The following PCDH15 variants were observed in gnomAD, a reference collection of about 807,000 sequenced individuals.
The protein encoded by PCDH15 is protocadherin related 15, also known as protocadherin-15.
Under a neutral mutation model 178.5 loss-of-function variants are expected in PCDH15, and 129 were observed. The ratio of observed to expected loss-of-function variants is 0.72; its 90% confidence interval spans 0.63 to 0.84. The LOEUF (loss-of-function observed/expected upper bound fraction) is 0.84, where lower values mean the gene tolerates loss of function less well. Ranked by LOEUF, PCDH15 falls within the 40% of genes least tolerant of loss-of-function variation. PCDH15 has a pLI of 0.00. For synonymous variants in PCDH15, 800 were observed against 732.0 expected (o/e 1.09, Z -1.50); for missense variants, 2,230 against 2,099.9 (o/e 1.06, Z -1.21).
rs1591361179 is a variant in PCDH15, at chr10:54,735,702, T to A, written c.-29+65223A>T. 5.2e-5 allele frequency among the ~76,000 whole-genome samples: 6 copies of A among 116,124 alleles called. 1 individual carries two copies. The highest frequency in any genetic ancestry group is 1.9e-4 in the African/African-American group (6 of 31,024). The allele number at this position is 116,124 out of a possible 152,430, so 76.2% of individuals were successfully genotyped here. ...TATGCAGCCATAAAAAATGATGAGTTCATGTCCTTTGTAGGGACATGGATG... is the reference window on the plus strand; with the variant it reads ...TATGCAGCCATAAAAAATGATGAGTACATGTCCTTTGTAGGGACATGGATG... On this transcript the variant is annotated intron_variant, in intron 1 of 37. Transcript: ENST00000644397.
intron 1 of PCDH15, among the ~76,000 whole-genome samples, chr10:54,715,982 C>T (rs1473279279): frequency 2.0e-5 from 3 of 152,114 alleles, no homozygotes; most frequent in African/African-American, 7.2e-5. Context: ...AGCACTCACT[C>T]TTCTAGGTTA....
intron 14 of PCDH15, among the ~76,000 whole-genome samples, chr10:54,137,869 A>C (rs1383002246): frequency 6.6e-6 from 1 of 152,194 alleles, no homozygotes; most frequent in Non-Finnish European, 1.5e-5. Flanking sequence ...TACCTGACCA[A>C]GAACACATTG....
chr10:54,130,770 T>G (rs2042373071), intron 15 of PCDH15, among the ~76,000 whole-genome samples: 1 of 152,206 alleles, frequency 6.6e-6, no homozygotes, highest in African/African-American at 2.4e-5. Context: ...GTGCGTCAGC[T>G]GTAGGTAGTG....
intron 1 of PCDH15, among the ~76,000 whole-genome samples, chr10:55,167,371 C>G (rs889075483): frequency 6.6e-6 from 1 of 152,128 alleles, no homozygotes; most frequent in Non-Finnish European, 1.5e-5. Context: ...CCACCTTGGC[C>G]TCCAAAGGTG....
chr10:55,608,067 G>A (rs574774798), intron 2 of PCDH15, among the ~76,000 whole-genome samples: 8 of 151,958 alleles, frequency 5.3e-5, no homozygotes, highest in African/African-American at 1.7e-4. Context: ...AGAAACCTTT[G>A]GTTTGTAGAT....
intron 13 of PCDH15, among the ~76,000 whole-genome samples, chr10:54,157,947 TTCC>T (rs1253394548): frequency 6.6e-6 from 1 of 152,130 alleles, no homozygotes; most frequent in African/African-American, 2.4e-5. Flanking sequence ...TCCCAAGAAG[TTCC>T]TCATCTCCCT....
chr10:54,799,595 T>C (rs771525399), intron 1 of PCDH15, among the ~76,000 whole-genome samples: 2 of 152,018 alleles, frequency 1.3e-5, no homozygotes, highest in Non-Finnish European at 1.5e-5. Flanking sequence ...TAAGGGTAAT[T>C]TGGGGGGCAA....
intron 2 of PCDH15, among the ~76,000 whole-genome samples, chr10:55,149,869 T>C (rs1320110752): frequency 2.0e-5 from 3 of 152,050 alleles, no homozygotes; most frequent in Non-Finnish European, 4.4e-5. Flanking sequence ...TCTTAAATTA[T>C]GGTCAAGAGA....
intron 17 of PCDH15, among the ~76,000 whole-genome samples, chr10:54,073,456 G>A (rs745837246): frequency 1.3e-5 from 2 of 151,910 alleles, no homozygotes; most frequent in Non-Finnish European, 2.9e-5. Context: ...TTTTGCTTTT[G>A]TTAAAGTTTC....
intron 3 of PCDH15, among the ~76,000 whole-genome samples, chr10:54,519,749 C>A (rs923821390): frequency 1.3e-5 from 2 of 152,044 alleles, no homozygotes; most frequent in African/African-American, 2.4e-5. Flanking sequence ...GAGCCCGCAT[C>A]ACCAAGTCAA....
At chr10:55,311,855 A>C (rs1395491229) in intron 1 of PCDH15, among the ~76,000 whole-genome samples, 1 of 152,206 alleles carries the variant, frequency 6.6e-6, no homozygotes, top group Non-Finnish European at 1.5e-5. Flanking sequence ...ACAGCCAAAA[A>C]AGGTTGTTTC....
chr10:54,095,378 AGTAAGT>A (rs774850167), intron 15 of PCDH15, among the ~76,000 whole-genome samples: 83 of 152,036 alleles, frequency 5.5e-4, no homozygotes, highest in Middle Eastern at 6.8e-3. Context: ...GTTATTTTGA[AGTAAGT>A]GTAAGTAAAA....
chr10:55,498,578 C>T (rs1247570200), intron 2 of PCDH15, among the ~76,000 whole-genome samples: 4 of 151,842 alleles, frequency 2.6e-5, no homozygotes, highest in African/African-American at 9.7e-5. Flanking sequence ...GTTCAATACT[C>T]AATTGTATCT....
intron 14 of PCDH15, among the ~76,000 whole-genome samples, chr10:54,152,632 AG>A (rs1457971798): frequency 6.6e-6 from 1 of 152,086 alleles, no homozygotes; most frequent in African/African-American, 2.4e-5. Flanking sequence ...GGGATTTCTC[AG>A]GTGGGAGACT....
intron 2 of PCDH15, among the ~76,000 whole-genome samples, chr10:55,399,451 A>C (rs1454928582): frequency 6.6e-6 from 1 of 152,210 alleles, no homozygotes; most frequent in Admixed American, 6.5e-5. Flanking sequence ...GAAACATTTT[A>C]TTTTAAAATT....
At chr10:54,039,746 C>T (rs2093498654) in intron 18 of PCDH15, among the ~76,000 whole-genome samples, 1 of 152,020 alleles carries the variant, frequency 6.6e-6, no homozygotes, top group Non-Finnish European at 1.5e-5. Flanking sequence ...AACTCCACTT[C>T]CTCCTAGGTT....
intron 2 of PCDH15, among the ~76,000 whole-genome samples, chr10:54,992,000 G>A (rs1839512301): frequency 6.6e-6 from 1 of 151,836 alleles, no homozygotes; most frequent in African/African-American, 2.4e-5. Context: ...TTTGTAACAT[G>A]CTTTCTCATA....
intron 2 of PCDH15, among the ~76,000 whole-genome samples, chr10:54,907,913 G>A (rs1298653373): frequency 6.6e-6 from 1 of 152,170 alleles, no homozygotes; most frequent in East Asian, 1.9e-4. Context: ...AAGAAGTCAA[G>A]AACCCTGGCC....
chr10:54,298,462 A>G (rs1381027718), intron 8 of PCDH15, among the ~76,000 whole-genome samples: 1 of 152,220 alleles, frequency 6.6e-6, no homozygotes, highest in East Asian at 1.9e-4. Flanking sequence ...GAGAGGACAG[A>G]AAATGGAGCA....
Sources: allele counts gnomAD v4.1 joint callset (sites outside exome capture counted in the v4.1 genomes callset), GRCh38; gene constraint gnomAD v4.1.1; transcripts MANE v1.5; gene names NCBI Gene and HGNC (gene_info 2026-07-23, HGNC 2026-07-21).